R3HDM1: variants seen among roughly 807,000 people sequenced by gnomAD.
R3HDM1 encodes R3H domain-containing protein 1.
A neutral mutation model predicts 141.1 loss-of-function variants in R3HDM1; 46 were observed. The ratio of observed to expected loss-of-function variants is 0.33; its 90% confidence interval spans 0.26 to 0.42. R3HDM1 has a LOEUF of 0.42. R3HDM1 is among the 10% of genes least tolerant of loss of function. The pLI is 1.00. For missense variants in R3HDM1, 1,184 were observed against 1,368.3 expected, an observed-to-expected ratio of 0.87 and a Z score of 2.12; for synonymous variants, 435 against 472.9, an observed-to-expected ratio of 0.92 and a Z score of 1.04.
intron 1 of R3HDM1, among the ~76,000 whole-genome samples, chr2:135,599,903 G>A (rs951707114): frequency 1.3e-5 from 2 of 151,822 alleles, no homozygotes; most frequent in Non-Finnish European, 2.9e-5. Context: ...GCATAGTGGT[G>A]GGCACCTATA....
At chr2:135,673,838 G>C (rs1170189668) in intron 19 of R3HDM1, among the ~76,000 whole-genome samples, 3 of 152,064 alleles carry the variant, frequency 2.0e-5, no homozygotes, top group East Asian at 1.9e-4. Context: ...CTGTGTTTTT[G>C]GTTTTTTGTT....
rs150793952 is a variant in R3HDM1, at chr2:135,686,868, G to A, written c.2459+6544G>A. 8.5e-5 allele frequency among the ~76,000 whole-genome samples: 13 copies of A among 152,262 alleles called. No individual in the cohort carries two copies. The East Asian group carries it at 2.5e-3, about 29-fold the overall frequency. On this transcript the variant is annotated intron_variant, in intron 21 of 26. Transcript: ENST00000683871. ...GTTGAGTAAAATAAGCCAGTCACAGGACAAATACTGCCTTATTCCACAGTA... is the reference window on the plus strand; with the variant it reads ...GTTGAGTAAAATAAGCCAGTCACAGAACAAATACTGCCTTATTCCACAGTA...
chr2:135,682,030 G>A (rs573421007), intron 21 of R3HDM1, among the ~76,000 whole-genome samples: 2 of 149,448 alleles, frequency 1.3e-5, no homozygotes, highest in South Asian at 2.2e-4. Flanking sequence ...AAAATACTCC[G>A]AATCTGAGTT....
chr2:135,648,115 A>G (rs1574672659), intron 16 of R3HDM1, among the ~76,000 whole-genome samples: 6 of 152,310 alleles, frequency 3.9e-5, no homozygotes, highest in Admixed American at 6.5e-5. Context: ...TTCTAAAGCT[A>G]TGGCACCTCA....
chr2:135,669,559 T>C, intron 19 of R3HDM1: 1 of 985,366 alleles, frequency 1.0e-6, no homozygotes, highest in Non-Finnish European at 1.2e-6. Context: ...GTTCTGCTTA[T>C]TTGAACAATA....
At position 135,681,846 on chromosome 2, in the gene R3HDM1, A is replaced by C. The variant is rs77585399; in HGVS notation, c.2459+1522A>C. On this transcript the variant is annotated intron_variant, in intron 21 of 26. Transcript: ENST00000683871. The stretch of plus-strand genomic sequence containing the variant: ...ACAGTCAGAAATGTTATCTATAAGG[A>C]AAACAGTGGGAGTTTAGTTATATAC... Among the ~76,000 whole-genome samples, 1,611 of 152,124 alleles carry C rather than the reference A, an allele frequency of 0.011. 98 individuals carry two copies. The East Asian group carries it at 0.19, about 18-fold the overall frequency.
chr2:135,658,635 C>A (rs1289431241), intron 18 of R3HDM1, among the ~76,000 whole-genome samples: 1 of 152,168 alleles, frequency 6.6e-6, no homozygotes, highest in East Asian at 1.9e-4. Flanking sequence ...TTATTTCATA[C>A]ATTTTTCTTT....
chr2:135,698,884 G>T (rs770148778), intron 21 of R3HDM1, among the ~76,000 whole-genome samples: 1 of 152,044 alleles, frequency 6.6e-6, no homozygotes, highest in South Asian at 2.1e-4. Flanking sequence ...CCACCTCCAT[G>T]ATCCAGTCAC....
intron 1 of R3HDM1, chr2:135,577,266 A>G: frequency 2.1e-6 from 2 of 951,898 alleles, no homozygotes; most frequent in Non-Finnish European, 2.5e-6. Flanking sequence ...AAAGTCAAAA[A>G]CACAAGCTGA....
chr2:135,549,282 C>T (rs1381388927), intron 1 of R3HDM1, among the ~76,000 whole-genome samples: 3 of 151,878 alleles, frequency 2.0e-5, no homozygotes, highest in Non-Finnish European at 2.9e-5. Context: ...TGGCCAGGCA[C>T]GGTGGCTCAC....
At chr2:135,624,162 G>A (rs918114732) in intron 7 of R3HDM1, among the ~76,000 whole-genome samples, 3 of 152,272 alleles carry the variant, frequency 2.0e-5, no homozygotes, top group Admixed American at 6.5e-5. Context: ...TTGGGAGGCC[G>A]AGGCGGGTGG....
At chr2:135,708,980 T>G (rs964943349) in intron 21 of R3HDM1, among the ~76,000 whole-genome samples, 1 of 122,674 alleles carries the variant, frequency 8.2e-6, no homozygotes, top group African/African-American at 2.7e-5. Flanking sequence ...AAAAAAAAAC[T>G]AACTGTTCAA....
At chr2:135,608,386 G>A (rs1409753746) in intron 3 of R3HDM1, among the ~76,000 whole-genome samples, 1 of 151,868 alleles carries the variant, frequency 6.6e-6, no homozygotes, top group Non-Finnish European at 1.5e-5. Context: ...GAGCTTTTGA[G>A]GCCCAAAATG....
At chr2:135,553,072 G>A (rs1437802390) in intron 1 of R3HDM1, among the ~76,000 whole-genome samples, 2 of 152,088 alleles carry the variant, frequency 1.3e-5, no homozygotes, top group African/African-American at 4.8e-5. Context: ...GTCTCACTGT[G>A]TTGCCCAGGG....
intron 5 of R3HDM1, among the ~76,000 whole-genome samples, chr2:135,621,279 T>C (rs530591825): frequency 1.3e-5 from 2 of 152,158 alleles, no homozygotes; most frequent in African/African-American, 4.8e-5. Context: ...TTTTAATTGA[T>C]ATATTCAACT....
intron 19 of R3HDM1, among the ~76,000 whole-genome samples, chr2:135,670,890 A>C (rs656326): frequency 0.49 from 74,337 of 151,412 alleles, 22,934 homozygotes; most frequent in East Asian, 0.88. Flanking sequence ...GAAACCCTGA[A>C]TCTACTAAAA....
At chr2:135,535,962 G>A (rs1452600008) in intron 1 of R3HDM1, among the ~76,000 whole-genome samples, 1 of 151,858 alleles carries the variant, frequency 6.6e-6, no homozygotes, top group African/African-American at 2.4e-5. Flanking sequence ...CCCATTCTTA[G>A]TCTCCATACA....
At chr2:135,719,159 T>A (rs774229168) in intron 24 of R3HDM1, among the ~76,000 whole-genome samples, 3 of 148,380 alleles carry the variant, frequency 2.0e-5, no homozygotes, top group African/African-American at 7.5e-5. Flanking sequence ...AAATAAATAA[T>A]TTAATTAATT....
At chr2:135,609,730 G>C (rs2060365905) in intron 3 of R3HDM1, among the ~76,000 whole-genome samples, 1 of 152,042 alleles carries the variant, frequency 6.6e-6, no homozygotes, top group South Asian at 2.1e-4. Flanking sequence ...TTCGCGGATA[G>C]GTTTTTCAGA....
Sources: allele counts gnomAD v4.1 joint callset (sites outside exome capture counted in the v4.1 genomes callset), GRCh38; gene constraint gnomAD v4.1.1; transcripts MANE v1.5; gene names NCBI Gene and HGNC (gene_info 2026-07-23, HGNC 2026-07-21).